The following GAPT variants were observed in gnomAD, a reference collection of about 807,000 sequenced individuals.
GAPT encodes protein GAPT.
For missense variants in GAPT, 206 were observed against 189.2 expected, an observed-to-expected ratio of 1.09 and a Z score of -0.52; for synonymous variants, 82 against 69.7, an observed-to-expected ratio of 1.18 and a Z score of -0.88.
Position 58,494,585 on chromosome 5 carries a change from T to C in GAPT, c.49T>C (p.Ser17Pro). The change falls in exon 3 of 3, where the codon TCG becomes CCG. Residue 17 changes from serine to proline, a missense_variant. Physicochemically the swap from Ser to Pro is moderately conservative, Grantham distance 74. Transcript: ENST00000502276. ...TTTAGCGGCCATTTCTGTAGGAATTTCGCTTCTTTTACTCTTAGTGGTTTG... is the reference window on the plus strand; with the variant it reads ...TTTAGCGGCCATTTCTGTAGGAATTCCGCTTCTTTTACTCTTAGTGGTTTG... ...NNLAAISVGI[S>P]LLLLLVVCGI... is the part of the protein sequence containing the mutation. 1 of 1,612,586 alleles carries C rather than the reference T, an allele frequency of 6.2e-7. No homozygotes were observed. The highest frequency in any genetic ancestry group is 1.1e-5 in the South Asian group (1 of 90,974).
rs1009441482 is a variant in GAPT at position 58,495,704 on chromosome 5, A to G, written c.*694A>G. 6.1e-6 allele frequency: 1 copy of G among 164,626 alleles called. No homozygotes were observed. The highest frequency in any genetic ancestry group is 1.5e-5 in the Non-Finnish European group (1 of 68,110). The allele number at this position is 164,626 out of a possible 1,614,324, so 10.2% of individuals were successfully genotyped here. On this transcript the variant is annotated 3_prime_UTR_variant, in exon 3 of 3. Coordinates refer to ENST00000502276, the MANE Select transcript of GAPT (RefSeq NM_001304431.2). ...TACCATTATCTTTATCTGGCTCAGAATTATTGTCATAGGCTCCTAACTGTT... is the reference window on the plus strand; with the variant it reads ...TACCATTATCTTTATCTGGCTCAGAGTTATTGTCATAGGCTCCTAACTGTT...
In GAPT at chr5:58,494,786, G is replaced by C. The variant is rs772963136; in HGVS notation, c.250G>C (p.Val84Leu). The change falls in exon 3 of 3, where the codon GTC becomes CTC. Residue 84 changes from valine (V) to leucine (L), a missense_variant. Physicochemically the swap from Val to Leu is conservative, Grantham distance 32. Transcript: ENST00000502276. The part of the protein sequence containing the change: ...SVETQDHKSA[V>L]RGNNTHDNYE... The stretch of plus-strand genomic sequence containing the variant: ...TGAAACCCAAGACCACAAATCTGCT[G>C]TCAGGGGAAATAACACACACGACAA... 1.2e-6 allele frequency: 2 copies of C among 1,613,954 alleles called. No homozygotes were observed. The highest frequency in any genetic ancestry group is 4.5e-5 in the East Asian group (2 of 44,852).
At chr5:58,492,977 G>T (rs1344079278) in intron 1 of GAPT, among the ~76,000 whole-genome samples, 1 of 152,098 alleles carries the variant, frequency 6.6e-6, no homozygotes, top group African/African-American at 2.4e-5. Context: ...TTAGTAGCAT[G>T]TTACAGATAT....
rs560768773 is a variant in GAPT at position 58,494,409 on chromosome 5, G to C, written c.-128G>C. 2 of 710,328 alleles carry C rather than the reference G, an allele frequency of 2.8e-6. No homozygotes were observed. Among genetic ancestry groups the C allele is most frequent in the Non-Finnish European group, 4.6e-6 (2 of 431,112 alleles). The allele number at this position is 710,328 out of a possible 1,614,324, so 44.0% of individuals were successfully genotyped here. On this transcript the variant is annotated 5_prime_UTR_variant, in exon 3 of 3. Transcript: ENST00000502276. ...GACTTTACCAGATAATGTTCTTCCAGATCTGAAAAGGAAAATGCCTAAAAG... is the reference window on the plus strand; with the variant it reads ...GACTTTACCAGATAATGTTCTTCCACATCTGAAAAGGAAAATGCCTAAAAG...
In GAPT at chr5:58,494,668, G is replaced by A. The variant is rs573449881; in HGVS notation, c.132G>A (p.Pro44=). The A allele has an allele frequency of 2.5e-5, 40 of 1,614,012 alleles. No homozygotes were observed. The highest frequency in any genetic ancestry group is 1.2e-4 in the Admixed American group (7 of 59,962). The change falls in exon 3 of 3, where the codon CCG becomes CCA. Residue 44 remains proline (P), a synonymous_variant. Coordinates refer to ENST00000502276, the MANE Select transcript of GAPT (RefSeq NM_001304431.2). ...KHRVATRFTL[P]RFLQRRSSRR... ...GTGTTGCCACACGATTTACCTTACCGAGGTTTTTACAAAGGAGAAGCAGCA... is the reference window on the plus strand; with the variant it reads ...GTGTTGCCACACGATTTACCTTACCAAGGTTTTTACAAAGGAGAAGCAGCA...
chr5:58,495,262 G>A lies in GAPT; in HGVS notation c.*252G>A. ...ATAAGAACACATGGAGAGAAGGAGAGGAACAACAGACACTGGGGCCTACTT... is the reference window on the plus strand; with the variant it reads ...ATAAGAACACATGGAGAGAAGGAGAAGAACAACAGACACTGGGGCCTACTT... On this transcript the variant is annotated 3_prime_UTR_variant, in exon 3 of 3. Transcript: ENST00000502276. 5.5e-4 allele frequency: 186 copies of A among 339,790 alleles called. No homozygotes were observed. The highest frequency in any genetic ancestry group is 1.8e-3 in the Middle Eastern group (2 of 1,116). 21.0% of individuals were successfully genotyped at this position (339,790 alleles called of 1,614,324 possible).
chr5:58,494,553 G>T lies in GAPT; in HGVS notation c.17G>T (p.Gly6Val), dbSNP rs374776433. 2.5e-6 allele frequency: 4 copies of T among 1,610,380 alleles called. No individual in the cohort carries two copies. The highest frequency in any genetic ancestry group is 3.4e-6 in the Non-Finnish European group (4 of 1,177,902). The change falls in exon 3 of 3, where the codon GGA becomes GTA. Residue 6 changes from glycine (G) to valine (V), a missense_variant. Gly to Val is a moderately radical substitution (Grantham distance 109). Coordinates refer to ENST00000502276, the MANE Select transcript of GAPT (RefSeq NM_001304431.2). MSKSC[G>V]NNLAAISVGI... ...TGTACAGAAATGTCGAAAAGCTGTGGAAATAATTTAGCGGCCATTTCTGTA... is the reference window on the plus strand; with the variant it reads ...TGTACAGAAATGTCGAAAAGCTGTGTAAATAATTTAGCGGCCATTTCTGTA...
rs1744468178 is a variant in GAPT, at chr5:58,497,015, C to T, written c.*2005C>T. ...GTTACTATCTCTGTGGTACCTGTGT[C>T]CCCTTTTTTGTTTTTCCATCCTGCC... On this transcript the variant is annotated 3_prime_UTR_variant, in exon 3 of 3. Transcript: ENST00000502276. The T allele has an allele frequency of 6.0e-6, 1 of 167,056 alleles. No individual in the cohort carries two copies. Among genetic ancestry groups the T allele is most frequent in the Non-Finnish European group, 1.5e-5 (1 of 68,126 alleles). The allele number at this position is 167,056 out of a possible 1,614,324, so 10.3% of individuals were successfully genotyped here. A position where few individuals can be genotyped will look rare whatever the true frequency, so the allele number is the denominator to read the frequency against.
chr5:58,494,405 T>A lies in GAPT; in HGVS notation c.-132T>A. Reference sequence around the variant, plus strand: ...TCAGGACTTTACCAGATAATGTTCTTCCAGATCTGAAAAGGAAAATGCCTA... The same window carrying A: ...TCAGGACTTTACCAGATAATGTTCTACCAGATCTGAAAAGGAAAATGCCTA... On this transcript the variant is annotated 5_prime_UTR_variant, in exon 3 of 3. Transcript: ENST00000502276. 1.4e-6 allele frequency: 1 copy of A among 692,606 alleles called. No homozygotes were observed. The highest frequency in any genetic ancestry group is 2.4e-6 in the Non-Finnish European group (1 of 415,816). 42.9% of individuals were successfully genotyped at this position (692,606 alleles called of 1,614,324 possible).
At chr5:58,491,705 T>A (rs1023600560) in intron 1 of GAPT, among the ~76,000 whole-genome samples, 164 bp downstream of exon 1, 2 of 152,196 alleles carry the variant, frequency 1.3e-5, no homozygotes, top group Non-Finnish European at 2.9e-5. Context: ...GTGATGTTAA[T>A]GTTTCTTTAC....
rs1384805936 is a variant in GAPT at position 58,496,195 on chromosome 5, A to ACCTAGCTTC, written c.*1185_*1186insCCTAGCTTC. On this transcript the variant is annotated 3_prime_UTR_variant, in exon 3 of 3. Coordinates refer to ENST00000502276, the MANE Select transcript of GAPT (RefSeq NM_001304431.2). ...GCATTTTATTACCTAGCTTCATATG[A>ACCTAGCTTC]AAATGTCTTAAATTCCCACCTAAAT... The ACCTAGCTTC allele has an allele frequency of 6.1e-6, 1 of 164,482 alleles. No individual in the cohort carries two copies. The highest frequency in any genetic ancestry group is 1.5e-5 in the Non-Finnish European group (1 of 68,120). 10.2% of individuals were successfully genotyped at this position (164,482 alleles called of 1,614,324 possible).
In GAPT at chr5:58,494,990, A is replaced by C; in HGVS notation, c.454A>C (p.Ile152Leu). The change falls in exon 3 of 3, where the codon ATT (isoleucine) becomes CTT (leucine). Residue 152 changes from isoleucine (I) to leucine (L), a missense_variant. Transcript: ENST00000502276. Reference protein sequence around the residue: ...SEVPQDEDIYILPDSY With the variant: ...SEVPQDEDIYLLPDSY ...AGTTCCTCAAGATGAAGATATATAC[A>C]TTCTTCCAGATTCATATTAGCTTTT... 6.3e-7 allele frequency: 1 copy of C among 1,590,426 alleles called. No homozygotes were observed. Among genetic ancestry groups the C allele is most frequent in the Non-Finnish European group, 8.6e-7 (1 of 1,162,764 alleles).
rs894171482 is a variant in GAPT, at chr5:58,496,670, A to G, written c.*1660A>G. On this transcript the variant is annotated 3_prime_UTR_variant, in exon 3 of 3. Transcript: ENST00000502276. ...GGGGCACTAAGGAAGACCGAAAGGC[A>G]GTAGGAGGCAACAGGGAATTGCTCC... 1 of 167,128 alleles carries G rather than the reference A, an allele frequency of 6.0e-6. No individual in the cohort carries two copies. Among genetic ancestry groups the G allele is most frequent in the African/African-American group, 2.4e-5 (1 of 41,470 alleles). 10.4% of individuals were successfully genotyped at this position (167,128 alleles called of 1,614,324 possible).
chr5:58,492,654 T>C (rs1489603747), intron 1 of GAPT, among the ~76,000 whole-genome samples: 1 of 152,184 alleles, frequency 6.6e-6, no homozygotes. Context: ...TTTTCTTTTA[T>C]GAAATGTCAA....
chr5:58,495,513 G>C lies in GAPT; in HGVS notation c.*503G>C, dbSNP rs1473887961. 5.9e-6 allele frequency: 1 copy of C among 168,256 alleles called. No homozygotes were observed. The highest frequency in any genetic ancestry group is 1.4e-5 in the Non-Finnish European group (1 of 69,248). 10.4% of individuals were successfully genotyped at this position (168,256 alleles called of 1,614,324 possible). A position where few individuals can be genotyped will look rare whatever the true frequency, so the allele number is the denominator to read the frequency against. On this transcript the variant is annotated 3_prime_UTR_variant, in exon 3 of 3. Transcript: ENST00000502276. ...CTGATGCCATTCTTAATCAAGTTCT[G>C]ATAAGTGGATGGTCTCTGCCTATCT...
rs1744466913 is a variant in GAPT, at chr5:58,496,965, G to C, written c.*1955G>C. 1 of 167,034 alleles carries C rather than the reference G, an allele frequency of 6.0e-6. No homozygotes were observed. Among genetic ancestry groups the C allele is most frequent in the Non-Finnish European group, 1.5e-5 (1 of 68,144 alleles). 10.3% of individuals were successfully genotyped at this position (167,034 alleles called of 1,614,324 possible). ...GGCAGGGCTCCTCCTCTGAGGTCTG[G>C]TAACTCTCAGCCAAGATTGTTACAG... is the stretch of plus-strand genomic sequence containing the variant. On this transcript the variant is annotated 3_prime_UTR_variant, in exon 3 of 3. Coordinates refer to ENST00000502276, the MANE Select transcript of GAPT (RefSeq NM_001304431.2).
rs1388527292 is a variant in GAPT at position 58,496,346 on chromosome 5, G to C, written c.*1336G>C. On this transcript the variant is annotated 3_prime_UTR_variant, in exon 3 of 3. Coordinates refer to ENST00000502276, the MANE Select transcript of GAPT (RefSeq NM_001304431.2). ...AGAAAAAAATCTAATAAATTCATCT[G>C]TTATTCATCCATACAAGGAATATTT... 1 of 166,822 alleles carries C rather than the reference G, an allele frequency of 6.0e-6. No homozygotes were observed. The highest frequency in any genetic ancestry group is 1.9e-4 in the East Asian group (1 of 5,194). 10.3% of individuals were successfully genotyped at this position (166,822 alleles called of 1,614,324 possible).
Position 58,494,888 on chromosome 5 carries a change from T to C in GAPT, c.352T>C (p.Ser118Pro). The C allele has an allele frequency of 6.2e-7, 1 of 1,613,892 alleles. No homozygotes were observed. Among genetic ancestry groups the C allele is most frequent in the Non-Finnish European group, 8.5e-7 (1 of 1,179,856 alleles). The change falls in exon 3 of 3, where the codon TCT (serine) becomes CCT (proline). Residue 118 changes from serine to proline, a missense_variant. Transcript: ENST00000502276. ...GGAACTATATGAAAACACAGGGCAGTCTAATTTCGAGGAGCATATCTATGG... is the reference window on the plus strand; with the variant it reads ...GGAACTATATGAAAACACAGGGCAGCCTAATTTCGAGGAGCATATCTATGG... ...DKELYENTGQ[S>P]NFEEHIYGNE...
At position 58,494,823 on chromosome 5, in the gene GAPT, T is replaced by G; in HGVS notation, c.287T>G (p.Val96Gly). The G allele has an allele frequency of 6.2e-7, 1 of 1,614,002 alleles. No individual in the cohort carries two copies. The highest frequency in any genetic ancestry group is 1.1e-5 in the South Asian group (1 of 91,086). Reference protein sequence around the residue: ...GNNTHDNYENVEAGPPKAKGK... With the variant: ...GNNTHDNYENGEAGPPKAKGK... ...AACACACACGACAACTATGAAAATG[T>G]GGAAGCAGGTCCTCCCAAAGCTAAA... The change falls in exon 3 of 3, where the codon GTG becomes GGG. Residue 96 changes from valine to glycine, a missense_variant. Val to Gly is a moderately radical substitution (Grantham distance 109). Transcript: ENST00000502276.
Sources: gnomAD v4.1 joint callset for allele counts (sites outside exome capture counted in the v4.1 genomes callset) on GRCh38, gnomAD v4.1.1 for gene constraint, MANE v1.5 for transcripts, NCBI Gene and HGNC (gene_info 2026-07-23, HGNC 2026-07-21) for gene names.